PPP1R1C: variants seen among roughly 807,000 people sequenced by gnomAD.
The protein encoded by PPP1R1C is protein phosphatase 1 regulatory subunit 1C.
In PPP1R1C, 15 loss-of-function variants were observed where a neutral mutation model predicts 17.4. The ratio of observed to expected loss-of-function variants is 0.86; its 90% CI spans 0.58 to 1.33. PPP1R1C has a LOEUF of 1.33. Ranked by LOEUF, PPP1R1C falls within the 40% of genes most tolerant of loss-of-function variation. The probability of loss-of-function intolerance (pLI) is 0.00; values close to 1 mark genes in which losing one functional copy is unlikely to be tolerated. For synonymous variants in PPP1R1C, 35 were observed against 43.1 expected, an observed-to-expected ratio of 0.81 and a Z score of 0.73; for missense variants, 143 against 130.0, an observed-to-expected ratio of 1.10 and a Z score of -0.48.
intron 5 of PPP1R1C, among the ~76,000 whole-genome samples, chr2:182,126,610 A>G (rs1441160247): frequency 6.6e-6 from 1 of 152,046 alleles, no homozygotes; most frequent in East Asian, 1.9e-4. Context: ...TAATTCACAC[A>G]GCAATGCAGC....
intron 2 of PPP1R1C, among the ~76,000 whole-genome samples, 192 bp downstream of exon 2, chr2:181,988,091 C>G (rs1265504782): frequency 6.6e-6 from 1 of 152,290 alleles, no homozygotes; most frequent in East Asian, 1.9e-4. Flanking sequence ...AAGCCACAGC[C>G]TGTATTTCCT....
chr2:182,060,620 C>T (rs1440428014), intron 2 of PPP1R1C, among the ~76,000 whole-genome samples: 4 of 151,766 alleles, frequency 2.6e-5, no homozygotes, highest in South Asian at 2.1e-4. Context: ...ACTTATATAG[C>T]ATGTATTTTC....
chr2:182,031,452 A>G (rs909114327), intron 2 of PPP1R1C, among the ~76,000 whole-genome samples: 1 of 152,244 alleles, frequency 6.6e-6, no homozygotes, highest in Non-Finnish European at 1.5e-5. Flanking sequence ...AGGCAAAAAT[A>G]AAGTAAAAAA....
intron 2 of PPP1R1C, among the ~76,000 whole-genome samples, chr2:182,035,877 TTCTAAA>T (rs1418725507): frequency 6.6e-6 from 1 of 152,268 alleles, no homozygotes; most frequent in African/African-American, 2.4e-5. Flanking sequence ...TTGCTACCAA[TTCTAAA>T]TATCCCAAGG....
chr2:182,026,799 G>A (rs1255354064), intron 2 of PPP1R1C, among the ~76,000 whole-genome samples: 1 of 150,874 alleles, frequency 6.6e-6, no homozygotes, highest in Non-Finnish European at 1.5e-5. Flanking sequence ...ATTACCTTGG[G>A]CAGTATGGCC....
chr2:182,021,599 T>C (rs1686431178), intron 2 of PPP1R1C, among the ~76,000 whole-genome samples: 1 of 152,106 alleles, frequency 6.6e-6, no homozygotes, highest in Non-Finnish European at 1.5e-5. Flanking sequence ...GTGCTGAGAT[T>C]ACAGGCGTGA....
chr2:182,113,377 C>T (rs1689495966), intron 4 of PPP1R1C, among the ~76,000 whole-genome samples: 1 of 152,152 alleles, frequency 6.6e-6, no homozygotes, highest in Non-Finnish European at 1.5e-5. Context: ...CTAAATATTC[C>T]AGTTTCATCT....
chr2:182,110,250 GA>G (rs1212752552), intron 4 of PPP1R1C, among the ~76,000 whole-genome samples: 1 of 151,352 alleles, frequency 6.6e-6, no homozygotes, highest in East Asian at 1.9e-4. Context: ...TAAAATTAAT[GA>G]AAAATAAAAT....
intron 2 of PPP1R1C, among the ~76,000 whole-genome samples, chr2:181,978,422 A>G (rs1685136292): frequency 6.6e-6 from 1 of 152,232 alleles, no homozygotes; most frequent in African/African-American, 2.4e-5. Flanking sequence ...ATCAGATCAG[A>G]GACTCAAACA....
intron 1 of PPP1R1C, among the ~76,000 whole-genome samples, chr2:181,972,289 T>C (rs1196140570): frequency 6.6e-6 from 1 of 152,210 alleles, no homozygotes; most frequent in African/African-American, 2.4e-5. Context: ...CTAAAGAATA[T>C]ACTTCAGTAA....
At chr2:182,022,888 C>G (rs1686471040) in intron 2 of PPP1R1C, among the ~76,000 whole-genome samples, 1 of 152,184 alleles carries the variant, frequency 6.6e-6, no homozygotes, top group Non-Finnish European at 1.5e-5. Context: ...GTGATGCCCT[C>G]CTTCCCCACT....
intron 4 of PPP1R1C, among the ~76,000 whole-genome samples, chr2:182,077,430 T>C (rs1688346007): frequency 6.6e-6 from 1 of 152,188 alleles, no homozygotes; most frequent in Admixed American, 6.5e-5. Flanking sequence ...TTATTAAGAT[T>C]AATTAATTGT....
intron 2 of PPP1R1C, 88 bp from the exon 3 acceptor site, chr2:182,061,326 GTTTTTGTATAAGGCAATTATTAAATCAT>G: frequency 1.3e-6 from 1 of 744,072 alleles, no homozygotes; most frequent in South Asian, 2.1e-5. Flanking sequence ...GTAAGTTGTA[GTTTTTGTATAAGGCAATTATTAAATCAT>G]TTTTATCCGT....
At chr2:182,103,838 C>T (rs555375829) in intron 4 of PPP1R1C, 1 of 152,316 alleles carries the variant, frequency 6.6e-6, no homozygotes, top group Non-Finnish European at 1.5e-5. Flanking sequence ...TAGAAGCAAA[C>T]AGCCTCAGGA....
rs190269470 is a variant in PPP1R1C at position 182,032,720 on chromosome 2, G to A, written c.143-28722G>A. On this transcript the variant is annotated intron_variant, in intron 2 of 4. Transcript: ENST00000682840. ...CTGCCCTGGATTATACAATGCCAGAGGTTCAATTTTCTCATCTATAAAAAT... is the reference window on the plus strand; with the variant it reads ...CTGCCCTGGATTATACAATGCCAGAAGTTCAATTTTCTCATCTATAAAAAT... 2.6e-5 allele frequency among the ~76,000 whole-genome samples: 4 copies of A among 152,102 alleles called. No individual in the cohort carries two copies. The South Asian group carries it at 8.3e-4, about 32-fold the overall frequency.
chr2:181,966,124 A>G (rs935317432), intron 1 of PPP1R1C, among the ~76,000 whole-genome samples: 1 of 152,186 alleles, frequency 6.6e-6, no homozygotes, highest in Non-Finnish European at 1.5e-5. Flanking sequence ...GTTGGCATAT[A>G]GAAGCACTAC....
chr2:181,977,386 G>A (rs1470877596), intron 2 of PPP1R1C, among the ~76,000 whole-genome samples: 1 of 151,804 alleles, frequency 6.6e-6, no homozygotes, highest in African/African-American at 2.4e-5. Context: ...ATTTTTGTGT[G>A]TGTGTGTTTG....
At chr2:182,096,480 A>G (rs1688941401) in intron 4 of PPP1R1C, among the ~76,000 whole-genome samples, 2 of 152,154 alleles carry the variant, frequency 1.3e-5, no homozygotes, top group African/African-American at 4.8e-5. Context: ...GAAATAGATC[A>G]AATTTCTTAG....
intron 2 of PPP1R1C, among the ~76,000 whole-genome samples, chr2:182,024,393 A>T (rs1295331500): frequency 6.6e-6 from 1 of 152,200 alleles, no homozygotes; most frequent in Non-Finnish European, 1.5e-5. Flanking sequence ...TAATTTTTAA[A>T]ATATTTCAGA....
Sources: gnomAD v4.1 joint callset for allele counts (sites outside exome capture counted in the v4.1 genomes callset) on GRCh38, gnomAD v4.1.1 for gene constraint, MANE v1.5 for transcripts, NCBI Gene and HGNC (gene_info 2026-07-23, HGNC 2026-07-21) for gene names.